Variants in TTC28 observed in about 807,000 individuals in gnomAD.
TTC28 encodes the protein tetratricopeptide repeat domain 28, also known as tetratricopeptide repeat protein 28.
Under a neutral mutation model 198.0 loss-of-function variants are expected in TTC28, and 61 were observed. The observed-to-expected ratio is 0.31, with a 90% CI of 0.25 to 0.38. TTC28 has a LOEUF of 0.38. Ranked by LOEUF, TTC28 falls within the 10% of genes least tolerant of loss-of-function variation. TTC28 has a pLI of 1.00. For synonymous variants in TTC28, 1,171 were observed against 1,297.8 expected (o/e 0.90, Z 2.10); for missense variants, 2,678 against 3,164.0 (o/e 0.85, Z 3.69).
chr22:28,164,556 A>C (rs1280395747), intron 5 of TTC28, among the ~76,000 whole-genome samples: 1 of 152,180 alleles, frequency 6.6e-6, no homozygotes, highest in Non-Finnish European at 1.5e-5. Flanking sequence ...ACCTCCAGCA[A>C]ACTCCAACAC....
At chr22:28,320,147 T>C (rs2045422749) in intron 2 of TTC28, among the ~76,000 whole-genome samples, 1 of 152,172 alleles carries the variant, frequency 6.6e-6, no homozygotes. Flanking sequence ...CCAGGCTACA[T>C]GCATAAAAGC....
At chr22:28,373,500 C>T (rs1371788236) in intron 2 of TTC28, among the ~76,000 whole-genome samples, 1 of 152,130 alleles carries the variant, frequency 6.6e-6, no homozygotes, top group African/African-American at 2.4e-5. Context: ...CTACAGATTG[C>T]AACCACATCT....
intron 5 of TTC28, among the ~76,000 whole-genome samples, chr22:28,183,840 T>C (rs1257920992): frequency 2.0e-5 from 3 of 152,208 alleles, no homozygotes; most frequent in East Asian, 1.9e-4. Flanking sequence ...AATTTAACAA[T>C]GTTAACAGAT....
At chr22:28,225,009 T>C (rs1928180982) in intron 5 of TTC28, among the ~76,000 whole-genome samples, 6 of 152,146 alleles carry the variant, frequency 3.9e-5, no homozygotes, top group Admixed American at 3.9e-4. Flanking sequence ...CCAGATCCCG[T>C]GCTCCTTAAA....
At chr22:28,565,127 A>C (rs1344145032) in intron 2 of TTC28, among the ~76,000 whole-genome samples, 2 of 151,886 alleles carry the variant, frequency 1.3e-5, no homozygotes, top group Non-Finnish European at 2.9e-5. Flanking sequence ...TAGGTTAACA[A>C]CTTAATAATC....
chr22:28,389,051 AG>A (rs2046667621), intron 2 of TTC28, among the ~76,000 whole-genome samples: 1 of 151,982 alleles, frequency 6.6e-6, no homozygotes, highest in Non-Finnish European at 1.5e-5. Context: ...TTTAGCATGA[AG>A]GGTTGTTGAA....
chr22:28,379,704 CAATGTG>C (rs1374901044), intron 2 of TTC28, among the ~76,000 whole-genome samples: 2 of 152,042 alleles, frequency 1.3e-5, no homozygotes, highest in African/African-American at 4.8e-5. Flanking sequence ...AGTTGCACAA[CAATGTG>C]AATACATTTA....
intron 1 of TTC28, among the ~76,000 whole-genome samples, chr22:28,678,707 C>G (rs2052041204): frequency 6.6e-6 from 1 of 152,158 alleles, no homozygotes; most frequent in African/African-American, 2.4e-5. Flanking sequence ...TGCACTCTCC[C>G]TAATAATTTA....
chr22:28,552,758 T>TCTCTGC (rs2049700015), intron 2 of TTC28, among the ~76,000 whole-genome samples: 1 of 133,308 alleles, frequency 7.5e-6, no homozygotes, highest in African/African-American at 2.5e-5. Context: ...TCCCTCTCCC[T>TCTCTGC]CTCCGCCTCC....
chr22:28,129,622 A>G (rs186637214), intron 6 of TTC28, among the ~76,000 whole-genome samples: 2 of 152,330 alleles, frequency 1.3e-5, no homozygotes, highest in Non-Finnish European at 2.9e-5. Context: ...TGAGGTGAAT[A>G]CTTAGGTAGA....
intron 13 of TTC28, among the ~76,000 whole-genome samples, chr22:28,017,913 A>G (rs1267036522): frequency 6.6e-6 from 1 of 152,056 alleles, no homozygotes. Flanking sequence ...GCTCCAATGA[A>G]GGCTCTGCCT....
intron 2 of TTC28, among the ~76,000 whole-genome samples, chr22:28,320,022 C>T (rs1168892263): frequency 6.6e-6 from 1 of 152,032 alleles, no homozygotes; most frequent in African/African-American, 2.4e-5. Context: ...AGAATTTTGG[C>T]TGCTTTAATT....
At chr22:28,229,329 T>A (rs1014676901) in intron 5 of TTC28, among the ~76,000 whole-genome samples, 2 of 152,124 alleles carry the variant, frequency 1.3e-5, no homozygotes, top group Non-Finnish European at 2.9e-5. Context: ...CCAAAAAAAT[T>A]AAGTGAAGCC....
intron 5 of TTC28, among the ~76,000 whole-genome samples, chr22:28,269,308 T>C (rs754960139): frequency 3.3e-5 from 5 of 152,120 alleles, no homozygotes; most frequent in Admixed American, 6.6e-5. Flanking sequence ...ACAGGGTCCC[T>C]CGGGAAGTGT....
chr22:28,367,433 A>G (rs2046265517), intron 2 of TTC28, among the ~76,000 whole-genome samples: 1 of 152,094 alleles, frequency 6.6e-6, no homozygotes, highest in South Asian at 2.1e-4. Context: ...GGGATACAGC[A>G]AAAGCAGTAC....
At chr22:27,999,805 A>G (rs1937623893) in intron 15 of TTC28, 1 of 152,766 alleles carries the variant, frequency 6.5e-6, no homozygotes. Context: ...GTATCACTGA[A>G]TGAGAAAATC....
At chr22:28,262,897 A>C (rs1290638246) in intron 5 of TTC28, among the ~76,000 whole-genome samples, 1 of 152,162 alleles carries the variant, frequency 6.6e-6, no homozygotes, top group African/African-American at 2.4e-5. Context: ...AATGTGGTTG[A>C]CAGAGAAGCA....
At position 28,073,273 on chromosome 22, in the gene TTC28, A is replaced by G. The variant is rs564067838; in HGVS notation, c.3932+20807T>C. 5.9e-5 allele frequency among the ~76,000 whole-genome samples: 9 copies of G among 152,362 alleles called. 1 individual carries two copies. Among genetic ancestry groups the G allele is most frequent in the African/African-American group, 2.2e-4 (9 of 41,584 alleles). On this transcript the variant is annotated intron_variant, in intron 12 of 22. Transcript: ENST00000397906. The stretch of plus-strand genomic sequence containing the variant: ...CATGAGAAAAGGTCTGATTTTGGAT[A>G]GGCTGAGTTTGAGGTGAATTCCAAG...
intron 2 of TTC28, among the ~76,000 whole-genome samples, chr22:28,572,492 T>C (rs1038828396): frequency 2.0e-5 from 3 of 152,284 alleles, no homozygotes; most frequent in African/African-American, 2.4e-5. Flanking sequence ...ATCATCAAAG[T>C]AGATGAATAT....
Sources: gnomAD v4.1 joint callset for allele counts (sites outside exome capture counted in the v4.1 genomes callset) on GRCh38, gnomAD v4.1.1 for gene constraint, MANE v1.5 for transcripts, NCBI Gene and HGNC (gene_info 2026-07-23, HGNC 2026-07-21) for gene names.